The following CNGB3 variants were observed in gnomAD, a reference collection of about 807,000 sequenced individuals.
The protein encoded by CNGB3 is cyclic nucleotide gated channel subunit beta 3.
In CNGB3, 86 loss-of-function variants were observed where a neutral mutation model predicts 92.8. The ratio of observed to expected loss-of-function variants is 0.93; its 90% confidence interval spans 0.78 to 1.11. The LOEUF (loss-of-function observed/expected upper bound fraction) is 1.11. Ranked by LOEUF, CNGB3 falls within the 50% of genes least tolerant of loss-of-function variation. The pLI is 0.00. For synonymous variants in CNGB3, 333 were observed against 332.7 expected, an observed-to-expected ratio of 1.00 and a Z score of -0.01; for missense variants, 1,026 against 956.8, an observed-to-expected ratio of 1.07 and a Z score of -0.95.
chr8:86,682,648 A>C (rs1310275175), intron 3 of CNGB3, among the ~76,000 whole-genome samples: 3 of 152,060 alleles, frequency 2.0e-5, no homozygotes, highest in Non-Finnish European at 4.4e-5. Context: ...GAGCTCCTGG[A>C]AGGGAGGGGT....
chr8:86,726,312 C>G (rs1002357853), intron 3 of CNGB3, among the ~76,000 whole-genome samples: 1 of 152,074 alleles, frequency 6.6e-6, no homozygotes, highest in African/African-American at 2.4e-5. Flanking sequence ...AGCCAAATGG[C>G]TGCCTAGGGA....
At chr8:86,604,328 A>G in intron 14 of CNGB3, 117 bp from the exon 15 acceptor site, 1 of 679,524 alleles carries the variant, frequency 1.5e-6, no homozygotes, top group Admixed American at 2.6e-5. Flanking sequence ...AGCAAAGAAC[A>G]TTAGTGTAAA....
At position 86,739,620 on chromosome 8, in the gene CNGB3, GTT is replaced by G. The variant is rs78198409; in HGVS notation, c.211+33_211+34del. The G allele has an allele frequency of 0.042, 61,468 of 1,471,490 alleles. 206 individuals carry two copies. The highest frequency in any genetic ancestry group is 0.11 in the East Asian group (4,634 of 41,146). The allele number at this position is 1,471,490 out of a possible 1,614,324, so 91.2% of individuals were successfully genotyped here. A position where few individuals can be genotyped will look rare whatever the true frequency, so the allele number is the denominator to read the frequency against. ...AGATACATATGTATTTCACTTTTTA[GTT>G]TTTTTTTTTTTTTTTTCAGACTGCA... On this transcript the variant is annotated intron_variant, in intron 2 of 17. Coordinates refer to ENST00000320005, the MANE Select transcript of CNGB3 (RefSeq NM_019098.5).
At chr8:86,657,969 T>C in intron 6 of CNGB3, 1 of 553,278 alleles carries the variant, frequency 1.8e-6, no homozygotes, top group Admixed American at 1.9e-5. Flanking sequence ...CGTCTGTCTC[T>C]CCAGACAGCT....
intron 1 of CNGB3, among the ~76,000 whole-genome samples, chr8:86,741,677 A>AC (rs1324096984): frequency 6.6e-6 from 1 of 152,022 alleles, no homozygotes; most frequent in African/African-American, 2.4e-5. Flanking sequence ...AAAAAAACAA[A>AC]AAAAAAAAAT....
intron 2 of CNGB3, among the ~76,000 whole-genome samples, chr8:86,736,285 A>C (rs1258400825): frequency 6.6e-6 from 1 of 152,186 alleles, no homozygotes; most frequent in East Asian, 1.9e-4. Flanking sequence ...AAATATCTTA[A>C]ATATAACTGT....
At chr8:86,682,458 C>A (rs914238254) in intron 3 of CNGB3, among the ~76,000 whole-genome samples, 6 of 152,094 alleles carry the variant, frequency 3.9e-5, no homozygotes, top group African/African-American at 1.2e-4. Context: ...TAGCAAGAGG[C>A]CAGTTTGACA....
At chr8:86,717,214 T>C (rs1382937587) in intron 3 of CNGB3, among the ~76,000 whole-genome samples, 1 of 152,074 alleles carries the variant, frequency 6.6e-6, no homozygotes, top group African/African-American at 2.4e-5. Context: ...CCTACATTTA[T>C]AAAACAATTA....
intron 10 of CNGB3, among the ~76,000 whole-genome samples, chr8:86,637,045 C>A (rs151069254): frequency 2.0e-5 from 3 of 152,076 alleles, no homozygotes; most frequent in African/African-American, 4.8e-5. Context: ...TTGGCTATTG[C>A]GAATAATGCT....
intron 4 of CNGB3, among the ~76,000 whole-genome samples, chr8:86,668,719 C>T (rs1455667654): frequency 6.8e-6 from 1 of 148,032 alleles, no homozygotes; most frequent in East Asian, 2.0e-4. Context: ...ACAGGAAAAA[C>T]TACTAAATGA....
intron 15 of CNGB3, among the ~76,000 whole-genome samples, chr8:86,581,440 GA>G (rs1256853688): frequency 2.0e-5 from 3 of 152,150 alleles, no homozygotes; most frequent in Admixed American, 6.5e-5. Context: ...AAGAGCCAAG[GA>G]AGATCCCCTC....
At chr8:86,691,045 C>T (rs1165573733) in intron 3 of CNGB3, among the ~76,000 whole-genome samples, 1 of 152,128 alleles carries the variant, frequency 6.6e-6, no homozygotes, top group Non-Finnish European at 1.5e-5. Context: ...AATGCAGGCT[C>T]TTTTTTGGTT....
chr8:86,699,990 A>G (rs1824521811), intron 3 of CNGB3, among the ~76,000 whole-genome samples: 1 of 152,122 alleles, frequency 6.6e-6, no homozygotes, highest in South Asian at 2.1e-4. Context: ...ATCAAGCCAA[A>G]TAAAATGGCA....
intron 6 of CNGB3, chr8:86,658,042 T>A: frequency 1.9e-6 from 1 of 536,552 alleles, no homozygotes; most frequent in Non-Finnish European, 3.6e-6. Flanking sequence ...CTGCATGAGC[T>A]CCATAAAGTG....
At chr8:86,602,861 T>C (rs1822334740) in intron 15 of CNGB3, among the ~76,000 whole-genome samples, 1 of 152,228 alleles carries the variant, frequency 6.6e-6, no homozygotes, top group Non-Finnish European at 1.5e-5. Flanking sequence ...CATTCATTCA[T>C]ATTTAGAAAA....
intron 12 of CNGB3, among the ~76,000 whole-genome samples, chr8:86,628,698 C>G (rs939660966): frequency 6.6e-6 from 1 of 151,740 alleles, no homozygotes; most frequent in African/African-American, 2.4e-5. Context: ...CCAGAAGATG[C>G]TGATTAAAAT....
At chr8:86,705,178 T>A (rs1824630474) in intron 3 of CNGB3, among the ~76,000 whole-genome samples, 1 of 152,196 alleles carries the variant, frequency 6.6e-6, no homozygotes, top group Admixed American at 6.5e-5. Context: ...CACTTTAAGT[T>A]GAATTCTCAT....
intron 13 of CNGB3, among the ~76,000 whole-genome samples, chr8:86,621,587 C>A (rs1822727443): frequency 1.3e-5 from 2 of 152,086 alleles, no homozygotes; most frequent in Admixed American, 1.3e-4. Flanking sequence ...GCAGTGTACC[C>A]ACTGTGTATA....
chr8:86,676,723 C>G (rs1168173264), intron 3 of CNGB3, among the ~76,000 whole-genome samples: 2 of 152,016 alleles, frequency 1.3e-5, no homozygotes, highest in Non-Finnish European at 2.9e-5. Context: ...CAGAATGTGA[C>G]CTTATTTTAA....
Sources: gnomAD v4.1 joint callset for allele counts (sites outside exome capture counted in the v4.1 genomes callset) on GRCh38, gnomAD v4.1.1 for gene constraint, MANE v1.5 for transcripts, NCBI Gene and HGNC (gene_info 2026-07-23, HGNC 2026-07-21) for gene names.